The following PMEPA1 variants were observed in gnomAD, a reference collection of about 807,000 sequenced individuals.
PMEPA1 encodes the protein prostate transmembrane protein, androgen induced 1.
Under a neutral mutation model 23.0 loss-of-function variants are expected in PMEPA1, and 11 were observed. The ratio of observed to expected loss-of-function variants is 0.48; its 90% confidence interval spans 0.30 to 0.79. The LOEUF is 0.79. Among genes scored for constraint, PMEPA1 ranks in the 30% least tolerant of loss-of-function variants. The probability of loss-of-function intolerance (pLI) is 0.06; values close to 1 mark genes in which losing one functional copy is unlikely to be tolerated. For missense variants in PMEPA1, 377 were observed against 390.9 expected (o/e 0.96, Z 0.30); for synonymous variants, 204 against 166.4 (o/e 1.23, Z -1.74).
At chr20:57,699,265 G>C (rs1023639021) in intron 1 of PMEPA1, among the ~76,000 whole-genome samples, 1 of 152,166 alleles carries the variant, frequency 6.6e-6, no homozygotes, top group Non-Finnish European at 1.5e-5. Context: ...TCACACTCTC[G>C]GGCAGCCATC....
intron 1 of PMEPA1, among the ~76,000 whole-genome samples, chr20:57,693,087 GT>G (rs1329799819): frequency 6.6e-6 from 1 of 152,232 alleles, no homozygotes; most frequent in African/African-American, 2.4e-5. Flanking sequence ...CAGGCCGGGA[GT>G]GGCCGCCTCG....
rs1431908079 is a variant in PMEPA1 at position 57,655,911 on chromosome 20, A to G, written c.265-2825T>C. On this transcript the variant is annotated intron_variant, in intron 2 of 3. Coordinates refer to ENST00000341744, the MANE Select transcript of PMEPA1 (RefSeq NM_020182.5). The surrounding 1 kb of genome is among the most constrained non-coding windows in gnomAD (Gnocchi z 4.2). ...CCTGCTGCTACAGCCAAGCGCAGCTATGGGCAAAACGCACTCGAAAACACT... is the reference window on the plus strand; with the variant it reads ...CCTGCTGCTACAGCCAAGCGCAGCTGTGGGCAAAACGCACTCGAAAACACT... 2.0e-5 allele frequency among the ~76,000 whole-genome samples: 3 copies of G among 152,128 alleles called. No homozygotes were observed. The highest frequency in any genetic ancestry group is 4.4e-5 in the Non-Finnish European group (3 of 68,022).
chr20:57,686,134 A>C (rs1295413095), intron 1 of PMEPA1, among the ~76,000 whole-genome samples: 1 of 152,248 alleles, frequency 6.6e-6, no homozygotes, highest in East Asian at 1.9e-4. Context: ...GCCTCAACAC[A>C]AGCCGTGCGC....
At chr20:57,665,779 T>C (rs2071483801) in intron 1 of PMEPA1, among the ~76,000 whole-genome samples, 1 of 152,162 alleles carries the variant, frequency 6.6e-6, no homozygotes, top group Admixed American at 6.5e-5. Flanking sequence ...GTCCCAAAGG[T>C]CACCCAGGAT....
chr20:57,681,588 C>G (rs755813537), intron 1 of PMEPA1, among the ~76,000 whole-genome samples: 3 of 152,192 alleles, frequency 2.0e-5, no homozygotes, highest in Non-Finnish European at 4.4e-5. Context: ...ATTTAGCAAC[C>G]ATTGTCGTTT....
chr20:57,700,025 T>A (rs943370400), intron 1 of PMEPA1: 2 of 471,086 alleles, frequency 4.2e-6, no homozygotes, highest in Non-Finnish European at 8.8e-6. Flanking sequence ...CCTTTTTGTA[T>A]TCTTAACCAC....
intron 1 of PMEPA1, among the ~76,000 whole-genome samples, chr20:57,673,224 G>A (rs2071593234): frequency 6.6e-6 from 1 of 151,644 alleles, no homozygotes; most frequent in South Asian, 2.1e-4. Context: ...TGCCTGGGGT[G>A]CCTGCCCTCC....
rs1568692578 is a variant in PMEPA1, at chr20:57,709,921, C to G, written c.-339G>C. On this transcript the variant is annotated 5_prime_UTR_variant, in exon 1 of 4. Coordinates refer to ENST00000341744, the MANE Select transcript of PMEPA1 (RefSeq NM_020182.5). ...GCTTTCCCCAGCCGAGCGCCTCCGC[C>G]GCCGCCGCCGCCGCCGCCTCCTCCT... 2.0e-6 allele frequency: 2 copies of G among 1,008,662 alleles called. No individual in the cohort carries two copies. The highest frequency in any genetic ancestry group is 8.4e-5 in the South Asian group (2 of 23,758). 62.5% of individuals were successfully genotyped at this position (1,008,662 alleles called of 1,614,324 possible).
intron 1 of PMEPA1, among the ~76,000 whole-genome samples, chr20:57,694,598 G>A (rs118152887): frequency 6.6e-6 from 1 of 152,200 alleles, no homozygotes. Flanking sequence ...CATCCAGTGG[G>A]GCCAATTACG....
Position 57,685,788 on chromosome 20 carries a change from G to C in PMEPA1, c.109+23686C>G, listed in dbSNP as rs549518852. On this transcript the variant is annotated intron_variant, in intron 1 of 3. Coordinates refer to ENST00000341744, the MANE Select transcript of PMEPA1 (RefSeq NM_020182.5). ...GTAGCAGCAATTTTGTTGTAGCACT[G>C]TTCACTTAAAGGGGGCGTGTGGCAA... Among the ~76,000 whole-genome samples, 3 of 152,264 alleles carry C rather than the reference G, an allele frequency of 2.0e-5. No homozygotes were observed. The East Asian group carries it at 5.8e-4, about 29-fold the overall frequency.
chr20:57,698,557 G>A (rs1197620795), intron 1 of PMEPA1, among the ~76,000 whole-genome samples: 1 of 152,230 alleles, frequency 6.6e-6, no homozygotes, highest in Non-Finnish European at 1.5e-5. Flanking sequence ...TACTCAGGGT[G>A]TTTGCGCAAA....
chr20:57,681,789 C>A (rs1705397393), intron 1 of PMEPA1, among the ~76,000 whole-genome samples: 1 of 152,150 alleles, frequency 6.6e-6, no homozygotes, highest in African/African-American at 2.4e-5. Flanking sequence ...GGTGACACGG[C>A]CAGCTGGGAA....
upstream of PMEPA1, chr20:57,710,648 C>T (rs2072167895): frequency 1.8e-6 from 1 of 552,322 alleles, no homozygotes; most frequent in Non-Finnish European, 3.1e-6. Context: ...GTATTGTCGC[C>T]GCCCCAGCCG....
chr20:57,693,291 C>A (rs542609607), intron 1 of PMEPA1, among the ~76,000 whole-genome samples: 4 of 152,378 alleles, frequency 2.6e-5, no homozygotes, highest in Admixed American at 6.5e-5. Context: ...GTGCCAAGTG[C>A]CCTCCCTGCC....
Position 57,693,083 on chromosome 20 carries a change from G to A in PMEPA1, c.109+16391C>T, listed in dbSNP as rs185396885. On this transcript the variant is annotated intron_variant, in intron 1 of 3. Transcript: ENST00000341744. ...TTCACGCTTATGTTGTGAGCAGGCC[G>A]GGAGTGGCCGCCTCGCTCTGCGTTC... Among the ~76,000 whole-genome samples the A allele has an allele frequency of 3.7e-3, 559 of 152,358 alleles. 5 individuals are homozygous for A. The highest frequency in any genetic ancestry group is 0.013 in the African/African-American group (522 of 41,578).
chr20:57,677,429 G>A (rs111854164), intron 1 of PMEPA1, among the ~76,000 whole-genome samples: 2,959 of 152,226 alleles, frequency 0.019, 44 homozygotes, highest in Middle Eastern at 0.031. Flanking sequence ...GCAAGAAAGC[G>A]CCTCGATGAC....
At position 57,655,114 on chromosome 20, in the gene PMEPA1, C is replaced by T. The variant is rs915354051; in HGVS notation, c.265-2028G>A. On this transcript the variant is annotated intron_variant, in intron 2 of 3. Transcript: ENST00000341744. The surrounding 1 kb of genome is among the most constrained non-coding windows in gnomAD (Gnocchi z 4.2). Reference sequence around the variant, plus strand: ...TATCTGTATAGCGGGCTGATGACAGCGCCTGCAATGCACCATACAGTGTGT... The same window carrying T: ...TATCTGTATAGCGGGCTGATGACAGTGCCTGCAATGCACCATACAGTGTGT... Among the ~76,000 whole-genome samples, 26 of 152,288 alleles carry T rather than the reference C, an allele frequency of 1.7e-4. No individual in the cohort carries two copies. The South Asian group carries it at 5.0e-3, about 29-fold the overall frequency.
chr20:57,694,474 C>G (rs1182494592), intron 1 of PMEPA1, among the ~76,000 whole-genome samples: 1 of 152,116 alleles, frequency 6.6e-6, no homozygotes, highest in Non-Finnish European at 1.5e-5. Context: ...TTTAAATGAC[C>G]ATCCACGTGC....
intron 1 of PMEPA1, among the ~76,000 whole-genome samples, chr20:57,672,639 C>T (rs1463664116): frequency 6.6e-6 from 1 of 152,192 alleles, no homozygotes. Context: ...CAGCTATTCT[C>T]GGTCTCCCCT....
Sources: allele counts gnomAD v4.1 joint callset (sites outside exome capture counted in the v4.1 genomes callset), GRCh38; gene constraint gnomAD v4.1.1; non-coding constraint Gnocchi (gnomAD v3.1); transcripts MANE v1.5; gene names NCBI Gene and HGNC (gene_info 2026-07-23, HGNC 2026-07-21).